ARHGAP24: variants seen among roughly 807,000 people sequenced by gnomAD.
ARHGAP24 encodes Rho GTPase activating protein 24, also known as rho GTPase-activating protein 24.
ARHGAP24 carries 50 observed loss-of-function variants against 76.4 expected under a neutral mutation model. The ratio of observed to expected loss-of-function variants is 0.65; its 90% confidence interval spans 0.52 to 0.83. ARHGAP24 has a LOEUF of 0.83. ARHGAP24 is among the 40% of genes least tolerant of loss of function. The pLI is 0.00. For synonymous variants in ARHGAP24, 345 were observed against 323.3 expected, an observed-to-expected ratio of 1.07 and a Z score of -0.72; for missense variants, 930 against 914.2, an observed-to-expected ratio of 1.02 and a Z score of -0.22.
chr4:85,972,253 G>C, intron 6 of ARHGAP24, 85 bp downstream of exon 6: 2 of 1,559,698 alleles, frequency 1.3e-6, no homozygotes, highest in Non-Finnish European at 8.7e-7. Context: ...AATTTCCATT[G>C]CCCTATCCCG....
intron 3 of ARHGAP24, among the ~76,000 whole-genome samples, chr4:85,765,693 G>A (rs766579037): frequency 1.2e-4 from 19 of 152,240 alleles, no homozygotes; most frequent in Non-Finnish European, 1.2e-4. Context: ...AATGGCAATA[G>A]TAAGAATGGA....
chr4:85,578,617 C>T (rs999172791), intron 2 of ARHGAP24, among the ~76,000 whole-genome samples: 1 of 152,126 alleles, frequency 6.6e-6, no homozygotes, highest in African/African-American at 2.4e-5. Context: ...TTATTCTCAT[C>T]TGTAAAATAT....
chr4:85,977,289 A>G (rs985877610), intron 7 of ARHGAP24, among the ~76,000 whole-genome samples: 4 of 152,140 alleles, frequency 2.6e-5, no homozygotes, highest in Admixed American at 6.5e-5. Context: ...TCAAGTCCAT[A>G]TTAGTATTGT....
chr4:85,961,550 C>T (rs893479633), intron 5 of ARHGAP24, among the ~76,000 whole-genome samples: 4 of 151,810 alleles, frequency 2.6e-5, no homozygotes, highest in Non-Finnish European at 4.4e-5. Flanking sequence ...TTGTTCATCC[C>T]GGAATTAGAT....
At chr4:85,705,839 C>T (rs532619760) in intron 2 of ARHGAP24, among the ~76,000 whole-genome samples, 1 of 152,200 alleles carries the variant, frequency 6.6e-6, no homozygotes, top group African/African-American at 2.4e-5. Context: ...CAGGCTGTAA[C>T]AGTTATAGTG....
intron 1 of ARHGAP24, among the ~76,000 whole-genome samples, chr4:85,512,334 A>G (rs1724318324): frequency 6.6e-6 from 1 of 152,230 alleles, no homozygotes; most frequent in South Asian, 2.1e-4. Context: ...ACAAGTATAG[A>G]TTAGCCATTT....
chr4:85,729,907 A>G (rs1725332698), intron 3 of ARHGAP24, among the ~76,000 whole-genome samples: 1 of 152,188 alleles, frequency 6.6e-6, no homozygotes, highest in Non-Finnish European at 1.5e-5. Flanking sequence ...GGGCTAGATA[A>G]AAAAAGCAAA....
chr4:85,730,212 C>G (rs1460424730), intron 3 of ARHGAP24, among the ~76,000 whole-genome samples: 1 of 152,206 alleles, frequency 6.6e-6, no homozygotes, highest in African/African-American at 2.4e-5. Context: ...GAACTGAAAT[C>G]TCTTATGTGA....
At chr4:85,999,352 G>A (rs1352602956) in intron 9 of ARHGAP24, among the ~76,000 whole-genome samples, 1 of 152,148 alleles carries the variant, frequency 6.6e-6, no homozygotes, top group African/African-American at 2.4e-5. Context: ...AAAATATGAA[G>A]TATTATTTTT....
intron 3 of ARHGAP24, among the ~76,000 whole-genome samples, chr4:85,903,385 A>G (rs946589959): frequency 2.0e-5 from 3 of 152,116 alleles, no homozygotes; most frequent in Non-Finnish European, 2.9e-5. Context: ...TTTTGTTTGT[A>G]TTAAAAATCT....
At chr4:85,810,172 G>A (rs772934777) in intron 3 of ARHGAP24, among the ~76,000 whole-genome samples, 10 of 152,174 alleles carry the variant, frequency 6.6e-5, no homozygotes, top group Non-Finnish European at 1.2e-4. Context: ...TTTCATGTAA[G>A]TCAATTACCA....
At chr4:85,667,215 C>G (rs1297903552) in intron 2 of ARHGAP24, among the ~76,000 whole-genome samples, 1 of 152,288 alleles carries the variant, frequency 6.6e-6, no homozygotes, top group East Asian at 1.9e-4. Context: ...GGCTCCCCTC[C>G]CCCAGCATTG....
Position 85,608,983 on chromosome 4 carries a change from C to T in ARHGAP24, c.180+38262C>T, listed in dbSNP as rs192165201. On this transcript the variant is annotated intron_variant, in intron 2 of 9. Transcript: ENST00000395184. Reference sequence around the variant, plus strand: ...GGCTCTCTACCTACTCCCTGTGTGACCTTCAACTTCTTAGCCTTTTTGTGA... The same window carrying T: ...GGCTCTCTACCTACTCCCTGTGTGATCTTCAACTTCTTAGCCTTTTTGTGA... 8.3e-4 allele frequency among the ~76,000 whole-genome samples: 127 copies of T among 152,248 alleles called. 3 individuals are homozygous for T. The East Asian group carries it at 0.021, about 25-fold the overall frequency.
intron 2 of ARHGAP24, among the ~76,000 whole-genome samples, chr4:85,580,603 T>C (rs1221216156): frequency 6.6e-6 from 1 of 152,154 alleles, no homozygotes; most frequent in Non-Finnish European, 1.5e-5. Context: ...CTACGAACTT[T>C]TTCCAGTTCT....
At position 85,736,742 on chromosome 4, in the gene ARHGAP24, A is replaced by G. The variant is rs188797430; in HGVS notation, c.268+14770A>G. 2.6e-3 allele frequency among the ~76,000 whole-genome samples: 391 copies of G among 152,190 alleles called. 1 individual carries two copies. The highest frequency in any genetic ancestry group is 2.6e-3 in the Non-Finnish European group (174 of 67,998). On this transcript the variant is annotated intron_variant, in intron 3 of 9. Transcript: ENST00000395184. ...TTGTTTCTGCTGTATCTCTTAGGCA[A>G]TTTCTCTAATTCTTGTGGCATCCAC...
intron 1 of ARHGAP24, among the ~76,000 whole-genome samples, chr4:85,507,214 T>TTTA (rs201247390): frequency 6.0e-4 from 91 of 152,064 alleles, no homozygotes; most frequent in African/African-American, 2.1e-3. Flanking sequence ...TTAAAAATAT[T>TTTA]TTATTATTAT....
At chr4:85,757,213 C>CTTTT (rs567221846) in intron 3 of ARHGAP24, among the ~76,000 whole-genome samples, 3 of 130,712 alleles carry the variant, frequency 2.3e-5, no homozygotes, top group African/African-American at 5.5e-5. Context: ...GCAACCAATT[C>CTTTT]TTTTTTTTTT....
intron 4 of ARHGAP24, among the ~76,000 whole-genome samples, chr4:85,933,798 G>C (rs1736483463): frequency 6.6e-6 from 1 of 152,130 alleles, no homozygotes; most frequent in Admixed American, 6.5e-5. Flanking sequence ...TTCCTTGATT[G>C]TTGTGATCCC....
intron 2 of ARHGAP24, among the ~76,000 whole-genome samples, chr4:85,592,846 A>G (rs1208204100): frequency 6.6e-6 from 1 of 152,166 alleles, no homozygotes; most frequent in Non-Finnish European, 1.5e-5. Context: ...GCTGAATAGT[A>G]CTTCATTGCA....
Sources: allele counts gnomAD v4.1 joint callset (sites outside exome capture counted in the v4.1 genomes callset), GRCh38; gene constraint gnomAD v4.1.1; transcripts MANE v1.5; gene names NCBI Gene and HGNC (gene_info 2026-07-23, HGNC 2026-07-21).